SLCO5A1: variants seen among roughly 807,000 people sequenced by gnomAD.
SLCO5A1 encodes the protein organic anion transporter polypeptide-related protein 4.
In SLCO5A1, 39 loss-of-function variants were observed where a neutral mutation model predicts 65.1. The observed-to-expected ratio is 0.60, with a 90% CI of 0.46 to 0.78. The LOEUF is 0.78. Among genes scored for constraint, SLCO5A1 ranks in the 30% least tolerant of loss-of-function variants. The pLI is 0.00. For missense variants in SLCO5A1, 1,029 were observed against 1,069.4 expected (o/e 0.96, Z 0.53); for synonymous variants, 438 against 415.7 (o/e 1.05, Z -0.65).
chr8:69,797,625 G>A (rs1563730256), intron 2 of SLCO5A1, among the ~76,000 whole-genome samples: 1 of 152,224 alleles, frequency 6.6e-6, no homozygotes. Context: ...CCACTTCGTG[G>A]CGGGGGGTGG....
At chr8:69,767,276 C>A (rs1284653971) in intron 2 of SLCO5A1, among the ~76,000 whole-genome samples, 1 of 152,172 alleles carries the variant, frequency 6.6e-6, no homozygotes, top group East Asian at 1.9e-4. Context: ...ATTAAATGTG[C>A]CCTACTTTTT....
At chr8:69,739,250 C>G (rs1816697717) in intron 4 of SLCO5A1, among the ~76,000 whole-genome samples, 1 of 152,152 alleles carries the variant, frequency 6.6e-6, no homozygotes, top group Non-Finnish European at 1.5e-5. Context: ...ATCCTACAGC[C>G]TCTTGTAAAC....
chr8:69,825,972 G>A (rs944962613), intron 2 of SLCO5A1, among the ~76,000 whole-genome samples: 24 of 152,046 alleles, frequency 1.6e-4, no homozygotes, highest in South Asian at 8.3e-4. Flanking sequence ...CAGAAATAAC[G>A]CTGCATATCT....
intron 4 of SLCO5A1, among the ~76,000 whole-genome samples, chr8:69,742,379 T>C (rs1438218524): frequency 6.6e-6 from 1 of 152,114 alleles, no homozygotes; most frequent in Non-Finnish European, 1.5e-5. Flanking sequence ...GTAAAAAGCA[T>C]GATGAAGGAG....
chr8:69,805,290 C>T (rs886716562), intron 2 of SLCO5A1, among the ~76,000 whole-genome samples: 8 of 152,062 alleles, frequency 5.3e-5, no homozygotes, highest in African/African-American at 1.9e-4. Context: ...ATCCCAATGG[C>T]CACTCTAATG....
At chr8:69,738,399 CT>C (rs1314216059) in intron 4 of SLCO5A1, among the ~76,000 whole-genome samples, 195 bp from the exon 5 acceptor site, 1 of 147,426 alleles carries the variant, frequency 6.8e-6, no homozygotes, top group Non-Finnish European at 1.5e-5. Context: ...TTTTTTTTAA[CT>C]TTCAACCAGG....
chr8:69,676,108 A>G (rs1198794176), intron 9 of SLCO5A1, among the ~76,000 whole-genome samples: 3 of 152,190 alleles, frequency 2.0e-5, no homozygotes, highest in African/African-American at 4.8e-5. Flanking sequence ...GGCAGTCCCT[A>G]TATGTCACTT....
At chr8:69,824,466 A>C (rs1820782335) in intron 2 of SLCO5A1, among the ~76,000 whole-genome samples, 1 of 152,220 alleles carries the variant, frequency 6.6e-6, no homozygotes, top group South Asian at 2.1e-4. Flanking sequence ...TCCCACAGAA[A>C]TACAAACTAC....
intron 5 of SLCO5A1, among the ~76,000 whole-genome samples, chr8:69,711,496 C>A (rs13268248): frequency 0.12 from 17,671 of 152,210 alleles, 1,308 homozygotes; most frequent in Non-Finnish European, 0.17. Context: ...TCCATATGTT[C>A]GGTGGGGAGG....
At chr8:69,760,386 G>A (rs1817716336) in intron 3 of SLCO5A1, among the ~76,000 whole-genome samples, 1 of 152,114 alleles carries the variant, frequency 6.6e-6, no homozygotes, top group Non-Finnish European at 1.5e-5. Context: ...TATGAAAATA[G>A]GAAGTGTGTA....
Position 69,708,300 on chromosome 8 carries a change from G to A in SLCO5A1, c.1424-3071C>T, listed in dbSNP as rs148029235. Among the ~76,000 whole-genome samples, 194 of 152,240 alleles carry A rather than the reference G, an allele frequency of 1.3e-3. 1 individual carries two copies. The highest frequency in any genetic ancestry group is 4.4e-3 in the African/African-American group (184 of 41,548). On this transcript the variant is annotated intron_variant, in intron 5 of 9. Transcript: ENST00000260126. ...TTTCTAACTCAGACTTCTTTGCCTC[G>A]TCATGGAGATGTCTTCCTTTTACCT...
At chr8:69,767,439 A>G (rs1818108466) in intron 2 of SLCO5A1, among the ~76,000 whole-genome samples, 1 of 152,164 alleles carries the variant, frequency 6.6e-6, no homozygotes, top group African/African-American at 2.4e-5. Flanking sequence ...ATTCTCAACA[A>G]TCTTAGGACC....
Position 69,832,994 on chromosome 8 carries a change from TCCGCCGCCGCCG to T in SLCO5A1, c.-333_-322del, listed in dbSNP as rs959438179. On this transcript the variant is annotated 5_prime_UTR_variant, in exon 2 of 10. Transcript: ENST00000260126. The surrounding 1 kb of genome is among the most constrained non-coding windows in gnomAD (Gnocchi z 4.5). ...CCTCGCGCGTCCCGGGCTCATCCCC[TCCGCCGCCGCCG>T]CCGCCGCCGCCGCTGGGCCCGCGGC... is the stretch of plus-strand genomic sequence containing the variant. 1.8e-5 allele frequency: 6 copies of T among 339,076 alleles called. No homozygotes were observed. Among genetic ancestry groups the T allele is most frequent in the South Asian group, 5.2e-5 (1 of 19,352 alleles). The allele number at this position is 339,076 out of a possible 1,614,324, so 21.0% of individuals were successfully genotyped here.
At chr8:69,733,846 G>A (rs758764705) in intron 5 of SLCO5A1, among the ~76,000 whole-genome samples, 1 of 152,168 alleles carries the variant, frequency 6.6e-6, no homozygotes, top group African/African-American at 2.4e-5. Context: ...AAATTACCCA[G>A]TCTTGGATAT....
intron 3 of SLCO5A1, among the ~76,000 whole-genome samples, 195 bp from the exon 4 acceptor site, chr8:69,755,836 C>T (rs1204940595): frequency 1.3e-5 from 2 of 152,334 alleles, no homozygotes; most frequent in African/African-American, 4.8e-5. Flanking sequence ...GAAATCTACT[C>T]AATAATTATA....
chr8:69,713,740 TG>T (rs1815384547), intron 5 of SLCO5A1: 1 of 152,210 alleles, frequency 6.6e-6, no homozygotes, highest in Non-Finnish European at 1.5e-5. Context: ...TGTGACAGAT[TG>T]GAAGGAATAC....
At chr8:69,741,236 A>G (rs1262005289) in intron 4 of SLCO5A1, among the ~76,000 whole-genome samples, 1 of 152,236 alleles carries the variant, frequency 6.6e-6, no homozygotes, top group Non-Finnish European at 1.5e-5. Context: ...TTACGGAGAA[A>G]ATACTCATGT....
chr8:69,738,257 A>C (rs1376546918), intron 4 of SLCO5A1, 53 bp from the exon 5 acceptor site: 2 of 1,475,566 alleles, frequency 1.4e-6, no homozygotes, highest in Non-Finnish European at 1.8e-6. Flanking sequence ...GATGGAAAAC[A>C]AAATAAAACT....
intron 5 of SLCO5A1, among the ~76,000 whole-genome samples, chr8:69,722,050 T>A (rs192073620): frequency 6.6e-6 from 1 of 152,122 alleles, no homozygotes; most frequent in Non-Finnish European, 1.5e-5. Context: ...CATATACCTA[T>A]AGTCCCAGCT....
Sources: allele counts gnomAD v4.1 joint callset (sites outside exome capture counted in the v4.1 genomes callset), GRCh38; gene constraint gnomAD v4.1.1; non-coding constraint Gnocchi (gnomAD v3.1); transcripts MANE v1.5; gene names NCBI Gene and HGNC (gene_info 2026-07-23, HGNC 2026-07-21).